Variants in NFATC3 observed in about 807,000 individuals in gnomAD.
NFATC3 encodes the protein nuclear factor of activated T-cells, cytoplasmic 3.
A neutral mutation model predicts 98.6 loss-of-function variants in NFATC3; 46 were observed. The ratio of observed to expected loss-of-function variants is 0.47; its 90% CI spans 0.37 to 0.60. The LOEUF (loss-of-function observed/expected upper bound fraction) is 0.60, where lower values mean the gene tolerates loss of function less well. Among genes scored for constraint, NFATC3 ranks in the 20% least tolerant of loss-of-function variants. NFATC3 has a pLI of 0.00. For missense variants in NFATC3, 1,256 were observed against 1,295.5 expected, an observed-to-expected ratio of 0.97 and a Z score of 0.47; for synonymous variants, 512 against 472.2, an observed-to-expected ratio of 1.08 and a Z score of -1.09.
In NFATC3 at chr16:68,131,432, C is replaced by A. The variant is rs559637569; in HGVS notation, c.1401+4822C>A. Among the ~76,000 whole-genome samples the A allele has an allele frequency of 6.6e-5, 10 of 152,158 alleles. No individual in the cohort carries two copies. In the South Asian group the frequency reaches 1.7e-3, roughly 25 times the overall value. The stretch of plus-strand genomic sequence containing the variant: ...AGCTGGGATTACAGGCACGCACTAC[C>A]ATGCCTGGCTAATTTTTTGTATTAT... On this transcript the variant is annotated intron_variant, in intron 3 of 9. Transcript: ENST00000346183.
chr16:68,122,983 C>A lies in NFATC3; in HGVS notation c.1100C>A (p.Pro367Gln), dbSNP rs1331391323. 6.2e-7 allele frequency: 1 copy of A among 1,614,136 alleles called. No homozygotes were observed. The highest frequency in any genetic ancestry group is 1.7e-5 in the Admixed American group (1 of 60,018). ...TCAGATGACCAAGGGAGTTTATCAC[C>A]AGCCCGGGAGACTTCAATAGATGAT... ...LCSDDQGSLS[P>Q]ARETSIDDGL... The change falls in exon 2 of 10, where the codon CCA becomes CAA. Residue 367 changes from proline (P) to glutamine (Q), a missense_variant. Transcript: ENST00000346183.
intron 9 of NFATC3, chr16:68,214,280 A>G (rs1323157262): frequency 7.0e-6 from 10 of 1,431,552 alleles, no homozygotes; most frequent in Non-Finnish European, 8.9e-6. Flanking sequence ...GATTAAGTTC[A>G]CCCTCTGGTT....
rs545998310 is a variant in NFATC3 at position 68,174,728 on chromosome 16, G to A, written c.1915+214G>A. ...CTGGGCATGGTGGCATGTGCCTGTA[G>A]TTCCAGCTACTCAGAAGGCTGAGGC... On this transcript the variant is annotated intron_variant, in intron 6 of 9. Transcript: ENST00000346183. Among the ~76,000 whole-genome samples, 15 of 152,280 alleles carry A rather than the reference G, an allele frequency of 9.9e-5. No homozygotes were observed. In the South Asian group the frequency reaches 3.1e-3, roughly 32 times the overall value.
At chr16:68,149,954 T>A (rs1478278344) in intron 3 of NFATC3, among the ~76,000 whole-genome samples, 6 of 152,222 alleles carry the variant, frequency 3.9e-5, no homozygotes, top group Non-Finnish European at 8.8e-5. Flanking sequence ...TTAATAAGAT[T>A]GAGCATTTTT....
At chr16:68,192,230 A>AAAAAAAAATAT (rs1555522047) in intron 9 of NFATC3, 1 of 82,600 alleles carries the variant, frequency 1.2e-5, no homozygotes, top group African/African-American at 5.7e-5. Flanking sequence ...AAAAAAAAAA[A>AAAAAAAAATAT]ATATATATAT....
intron 1 of NFATC3, among the ~76,000 whole-genome samples, chr16:68,098,597 G>A (rs2035172373): frequency 6.6e-6 from 1 of 152,122 alleles, no homozygotes; most frequent in Non-Finnish European, 1.5e-5. Flanking sequence ...ACTGTGCCCA[G>A]CACATTTAAC....
chr16:68,105,716 ATCT>A (rs1393221939), intron 1 of NFATC3, among the ~76,000 whole-genome samples: 1 of 152,172 alleles, frequency 6.6e-6, no homozygotes, highest in Non-Finnish European at 1.5e-5. Flanking sequence ...CAGTGAAGCC[ATCT>A]GTTCCTGGGA....
chr16:68,223,982 C>T (rs2041955740), intron 9 of NFATC3, among the ~76,000 whole-genome samples: 1 of 151,116 alleles, frequency 6.6e-6, no homozygotes, highest in African/African-American at 2.4e-5. Flanking sequence ...CGCGGGGGCT[C>T]ATGCCTGTAA....
chr16:68,126,245 T>C (rs1401475271), intron 2 of NFATC3, among the ~76,000 whole-genome samples: 2 of 152,242 alleles, frequency 1.3e-5, no homozygotes, highest in East Asian at 1.9e-4. Flanking sequence ...GGAAATAAAA[T>C]AGATTTTATT....
At chr16:68,167,827 T>C (rs78740169) in intron 5 of NFATC3, among the ~76,000 whole-genome samples, 1 of 95,046 alleles carries the variant, frequency 1.1e-5, no homozygotes, top group Non-Finnish European at 2.0e-5. Flanking sequence ...TTTTTTTTTT[T>C]TTTTTTTTTT....
intron 5 of NFATC3, among the ~76,000 whole-genome samples, chr16:68,172,862 A>G (rs1831800510): frequency 6.6e-6 from 1 of 152,198 alleles, no homozygotes; most frequent in African/African-American, 2.4e-5. Flanking sequence ...CAAGCAATTA[A>G]AAGAAAGAAA....
chr16:68,166,946 C>T lies in NFATC3; in HGVS notation c.1705C>T (p.Arg569Cys), dbSNP rs1202433397. The change falls in exon 5 of 10, where the codon CGT becomes TGT. Residue 569 changes from arginine (R) to cysteine (C), a missense_variant. This residue lies in a region of NFATC3 where 636 missense variants were observed against 617.3 expected (regional missense o/e 1.03). Transcript: ENST00000346183. Reference sequence around the variant, plus strand: ...GAATACTAGAGTACGACTTGTGTTTCGTGTACACATCCCACAGCCCAGTGG... The same window carrying T: ...GAATACTAGAGTACGACTTGTGTTTTGTGTACACATCCCACAGCCCAGTGG... ...RKNTRVRLVF[R>C]VHIPQPSGKV... 1.2e-6 allele frequency: 2 copies of T among 1,614,008 alleles called. No homozygotes were observed. The highest frequency in any genetic ancestry group is 1.7e-6 in the Non-Finnish European group (2 of 1,180,006).
intron 5 of NFATC3, among the ~76,000 whole-genome samples, chr16:68,167,807 G>GTTTTTT (rs1263970399): frequency 1.3e-3 from 31 of 23,624 alleles, no homozygotes; most frequent in Non-Finnish European, 2.3e-3. Flanking sequence ...AACCGTATGT[G>GTTTTTT]TTCTTTTTTT....
intron 9 of NFATC3, among the ~76,000 whole-genome samples, chr16:68,211,782 A>G (rs1598609425): frequency 6.6e-6 from 1 of 152,118 alleles, no homozygotes; most frequent in South Asian, 2.1e-4. Flanking sequence ...TTGGCCTCCC[A>G]AAGTGCTGGG....
chr16:68,120,114 CAAAAAAA>C (rs536178978), intron 1 of NFATC3, among the ~76,000 whole-genome samples: 1 of 57,928 alleles, frequency 1.7e-5, no homozygotes, highest in Non-Finnish European at 3.8e-5. Flanking sequence ...CCTGTCTCTA[CAAAAAAA>C]AAAAAAAAAA....
intron 9 of NFATC3, among the ~76,000 whole-genome samples, chr16:68,208,813 TTG>T (rs1474080134): frequency 1.3e-5 from 2 of 152,198 alleles, no homozygotes; most frequent in Non-Finnish European, 2.9e-5. Flanking sequence ...CAACTGAATA[TTG>T]TGTGTTGATT....
At chr16:68,218,004 G>A (rs2041702569) in intron 9 of NFATC3, 1 of 1,176,354 alleles carries the variant, frequency 8.5e-7, no homozygotes. Context: ...AAATTTTCAG[G>A]AACTTATTTC....
intron 1 of NFATC3, among the ~76,000 whole-genome samples, chr16:68,118,113 A>T (rs1598394067): frequency 6.6e-6 from 1 of 152,192 alleles, no homozygotes; most frequent in African/African-American, 2.4e-5. Context: ...GTTTATGCCT[A>T]TTCTCCTGTG....
intron 3 of NFATC3, among the ~76,000 whole-genome samples, chr16:68,127,105 C>T (rs913051158): frequency 1.9e-4 from 29 of 152,038 alleles, no homozygotes; most frequent in Non-Finnish European, 3.1e-4. Flanking sequence ...CCCAGCTCTG[C>T]GGCAGGCTGA....
Sources: gnomAD v4.1 joint callset for allele counts (sites outside exome capture counted in the v4.1 genomes callset) on GRCh38, gnomAD v4.1.1 for gene constraint, gnomAD v4.1.1 regional missense constraint, MANE v1.5 for transcripts, NCBI Gene and HGNC (gene_info 2026-07-23, HGNC 2026-07-21) for gene names.